Variants in COPB2 observed in about 807,000 individuals in gnomAD.
The protein encoded by COPB2 is coat protein complex I subunit beta 2.
A neutral mutation model predicts 120.8 loss-of-function variants in COPB2; 16 were observed. The observed-to-expected ratio is 0.13, with a 90% CI of 0.09 to 0.20. COPB2 has a LOEUF of 0.20. COPB2 is among the 10% of genes least tolerant of loss of function. The pLI, the probability that COPB2 is intolerant of heterozygous loss-of-function variation, is 1.00. For missense variants in COPB2, 794 were observed against 1,076.5 expected (o/e 0.74, Z 3.67); for synonymous variants, 332 against 366.3 (o/e 0.91, Z 1.07).
At chr3:139,362,921 G>A (rs943803538) in intron 15 of COPB2, among the ~76,000 whole-genome samples, 1 of 152,214 alleles carries the variant, frequency 6.6e-6, no homozygotes, top group Admixed American at 6.5e-5. Context: ...TTAGCTGTTG[G>A]TAATCTACTC....
intron 5 of COPB2, among the ~76,000 whole-genome samples, chr3:139,376,751 A>AATTT (rs1166687459): frequency 1.3e-5 from 2 of 151,982 alleles, no homozygotes; most frequent in African/African-American, 4.8e-5. Flanking sequence ...TTAATTAATT[A>AATTT]ATTTATTTAT....
chr3:139,365,398 T>C (rs1178086025), intron 15 of COPB2, among the ~76,000 whole-genome samples: 1 of 152,212 alleles, frequency 6.6e-6, no homozygotes, highest in African/African-American at 2.4e-5. Flanking sequence ...AACAATTATA[T>C]ACCAGTTAAA....
At chr3:139,362,052 A>C (rs1941429354) in intron 16 of COPB2, among the ~76,000 whole-genome samples, 1 of 152,236 alleles carries the variant, frequency 6.6e-6, no homozygotes, top group Non-Finnish European at 1.5e-5. Flanking sequence ...ATTTTTAGTT[A>C]GTTTCAGACA....
At position 139,371,760 on chromosome 3, in the gene COPB2, A is replaced by G. The variant is rs1387277779; in HGVS notation, c.1168T>C (p.Ser390Pro). Residue 390 changes from serine to proline, a missense_variant, in exon 10 of 22, where the codon TCT becomes CCT. By Grantham distance (74) the Ser-to-Pro change is moderately conservative (BLOSUM62 -1). Coordinates refer to ENST00000333188, the MANE Select transcript of COPB2 (RefSeq NM_004766.3). The part of the protein sequence containing the change: ...AMALRNKSFG[S>P]AQEFAWAHDS... ...TGGGCCCATGCAAACTCCTGAGCAG[A>G]TCCAAAGCTCTTGTTTCTCAATGCC... The G allele has an allele frequency of 1.2e-6, 2 of 1,614,050 alleles. No homozygotes were observed. Among genetic ancestry groups the G allele is most frequent in the Admixed American group, 3.3e-5 (2 of 60,010 alleles).
chr3:139,357,886 C>G lies in COPB2; in HGVS notation c.2698G>C (p.Asp900His). The G allele has an allele frequency of 8.8e-6, 14 of 1,585,730 alleles. No individual in the cohort carries two copies. Among genetic ancestry groups the G allele is most frequent in the Non-Finnish European group, 1.2e-5 (14 of 1,158,090 alleles). ...AGTCAATCATCCAAAATATCTTCAT[C>G]CAGATTGATATCTGTTGTGTCAATA... ...EDIDTTDINLDEDILDD is the reference protein window; with the variant it reads ...EDIDTTDINLHEDILDD Residue 900 changes from aspartate (D) to histidine (H), a missense_variant, in exon 22 of 22, where the codon GAT becomes CAT. Around this residue, in one of 3 missense-constraint regions of COPB2, gnomAD observed 178 missense variants for 183.2 expected, o/e 0.97. Coordinates refer to ENST00000333188, the MANE Select transcript of COPB2 (RefSeq NM_004766.3).
intron 7 of COPB2, 127 bp from the exon 8 acceptor site, chr3:139,373,935 A>G (rs1407315559): frequency 1.9e-6 from 2 of 1,068,246 alleles, no homozygotes; most frequent in Non-Finnish European, 1.3e-6. Flanking sequence ...TTAATGACCA[A>G]TTTTTTGACC....
intron 15 of COPB2, among the ~76,000 whole-genome samples, chr3:139,365,934 G>C (rs1259842520): frequency 6.6e-6 from 1 of 152,152 alleles, no homozygotes; most frequent in Non-Finnish European, 1.5e-5. Context: ...TAGGAAAGTG[G>C]CATGTATGTG....
intron 1 of COPB2, among the ~76,000 whole-genome samples, chr3:139,387,024 C>A (rs2107812243): frequency 6.7e-6 from 1 of 148,424 alleles, no homozygotes; most frequent in South Asian, 2.2e-4. Context: ...CATGGTGAAA[C>A]CCCGTCTCTA....
At chr3:139,364,601 A>C (rs2107798918) in intron 15 of COPB2, among the ~76,000 whole-genome samples, 1 of 152,254 alleles carries the variant, frequency 6.6e-6, no homozygotes, top group Non-Finnish European at 1.5e-5. Context: ...TAAAATGTCA[A>C]CTCCATGAAG....
chr3:139,360,626 A>T (rs1050871406), intron 17 of COPB2, among the ~76,000 whole-genome samples: 1 of 152,148 alleles, frequency 6.6e-6, no homozygotes, highest in Non-Finnish European at 1.5e-5. Flanking sequence ...ACTTAAAAAT[A>T]TGAGACATCT....
chr3:139,382,918 A>C (rs73866102), intron 2 of COPB2: 3,257 of 224,074 alleles, frequency 0.015, 90 homozygotes, highest in African/African-American at 0.067. Flanking sequence ...GTGTATCATT[A>C]TATTGGGCAT....
chr3:139,366,978 T>C (rs1291007752), intron 14 of COPB2, 37 bp downstream of exon 14: 1 of 1,588,644 alleles, frequency 6.3e-7, no homozygotes, highest in Non-Finnish European at 8.6e-7. Flanking sequence ...AAACACACTT[T>C]AAAATTTAGG....
chr3:139,383,555 T>C lies in COPB2; in HGVS notation c.4-120A>G, dbSNP rs1433020402. ...ATTCAGCTACTACTTTGCTAAGCTT[T>C]TGAAACAGTTTCAAGTCTAAGCACT... On this transcript the variant is annotated intron_variant, in intron 1 of 21. Transcript: ENST00000333188. 1.5e-5 allele frequency: 13 copies of C among 883,022 alleles called. No individual in the cohort carries two copies. In the East Asian group the frequency reaches 2.6e-4, roughly 18 times the overall value. The allele number at this position is 883,022 out of a possible 1,614,324, so 54.7% of individuals were successfully genotyped here. A position where few individuals can be genotyped will look rare whatever the true frequency, so the allele number is the denominator to read the frequency against.
At chr3:139,377,392 C>T (rs749156030) in intron 5 of COPB2, among the ~76,000 whole-genome samples, 15 of 152,158 alleles carry the variant, frequency 9.9e-5, no homozygotes, top group South Asian at 2.1e-4. Flanking sequence ...AGTAATTCTC[C>T]GGAGGAAAAT....
At chr3:139,365,242 T>C (rs896195605) in intron 15 of COPB2, among the ~76,000 whole-genome samples, 7 of 152,132 alleles carry the variant, frequency 4.6e-5, no homozygotes, top group South Asian at 2.1e-4. Flanking sequence ...AACATTTCAG[T>C]ACAACAGAGA....
intron 1 of COPB2, among the ~76,000 whole-genome samples, chr3:139,388,599 A>C (rs1941981452): frequency 6.6e-6 from 1 of 151,642 alleles, no homozygotes; most frequent in Non-Finnish European, 1.5e-5. Flanking sequence ...CAAGCTCCAA[A>C]ATGTTTGATT....
intron 13 of COPB2, 101 bp from the exon 14 acceptor site, chr3:139,367,246 C>A: frequency 3.0e-6 from 4 of 1,315,048 alleles, no homozygotes; most frequent in East Asian, 2.5e-5. Context: ...ATAAGGAATG[C>A]AAAGTAAAAT....
intron 19 of COPB2, 32 bp from the exon 20 acceptor site, chr3:139,358,844 A>G: frequency 6.3e-7 from 1 of 1,581,092 alleles, no homozygotes. Context: ...ATGAAATGAG[A>G]TATTCTGAAA....
chr3:139,359,127 T>C lies in COPB2; in HGVS notation c.2355A>G (p.Ala785=), dbSNP rs1391987675. 3.7e-6 allele frequency: 6 copies of C among 1,614,006 alleles called. No homozygotes were observed. In the Admixed American group the frequency reaches 1.0e-4, roughly 27 times the overall value. ...ACTCTGTTGGGTCAGCAAGGGATTC[T>C]GCTGCTTTCTGATTGACTTTTGAGA... ...ENLSKVNQKA[A]ESLADPTEYE... is the part of the protein sequence containing the mutation. Residue 785 remains alanine, a synonymous_variant, in exon 19 of 22, where the codon GCA becomes GCG. Transcript: ENST00000333188.
Sources: gnomAD v4.1 joint callset for allele counts (sites outside exome capture counted in the v4.1 genomes callset) on GRCh38, gnomAD v4.1.1 for gene constraint, gnomAD v4.1.1 regional missense constraint, MANE v1.5 for transcripts, NCBI Gene and HGNC (gene_info 2026-07-23, HGNC 2026-07-21) for gene names.